Variants in LRIG3 observed in about 807,000 individuals in gnomAD.
The protein encoded by LRIG3 is leucine-rich repeats and immunoglobulin-like domains protein 3.
A neutral mutation model predicts 114.5 loss-of-function variants in LRIG3; 76 were observed. The observed-to-expected ratio is 0.66, with a 90% confidence interval of 0.55 to 0.80. LRIG3 has a LOEUF of 0.80. Among genes scored for constraint, LRIG3 ranks in the 30% least tolerant of loss-of-function variants. The pLI is 0.00. For missense variants in LRIG3, 1,239 were observed against 1,382.8 expected, an observed-to-expected ratio of 0.90 and a Z score of 1.65; for synonymous variants, 512 against 519.8, an observed-to-expected ratio of 0.98 and a Z score of 0.20.
chr12:58,904,042 G>A (rs992466871), intron 3 of LRIG3, among the ~76,000 whole-genome samples: 8 of 152,110 alleles, frequency 5.3e-5, no homozygotes, highest in South Asian at 2.1e-4. Flanking sequence ...TTGACTTGGC[G>A]ATGCGGGCTC....
intron 14 of LRIG3, 67 bp from the exon 15 acceptor site, chr12:58,877,919 A>G: frequency 7.0e-7 from 1 of 1,418,580 alleles, no homozygotes. Flanking sequence ...AAAATGTAGC[A>G]TTTAAACTTA....
At chr12:58,876,677 C>A in intron 15 of LRIG3, 74 bp from the exon 16 acceptor site, 1 of 1,521,436 alleles carries the variant, frequency 6.6e-7, no homozygotes, top group Admixed American at 1.7e-5. Flanking sequence ...GGGTGAATGG[C>A]ATAGACTATT....
intron 2 of LRIG3, 96 bp downstream of exon 2, chr12:58,914,169 A>C (rs544411109): frequency 6.6e-7 from 1 of 1,509,394 alleles, no homozygotes; most frequent in African/African-American, 1.4e-5. Context: ...AAAAGTTTTG[A>C]ATAACTCACT....
chr12:58,920,167 G>C lies in LRIG3; in HGVS notation c.69C>G (p.Arg23=). 1 of 1,539,394 alleles carries C rather than the reference G, an allele frequency of 6.5e-7. No homozygotes were observed. The highest frequency in any genetic ancestry group is 8.7e-7 in the Non-Finnish European group (1 of 1,145,716). Residue 23 remains arginine, a synonymous_variant, in exon 1 of 19, where the codon CGC becomes CGG. Coordinates refer to ENST00000320743, the MANE Select transcript of LRIG3 (RefSeq NM_153377.5). ...LGLLLCAVLG[R]AGRSDSGGRG... ...GACCGCCGCTGTCTGACCGGCCAGC[G>C]CGCCCCAGCACCGCGCACAGCAGCA... is the stretch of plus-strand genomic sequence containing the variant.
Position 58,877,786 on chromosome 12 carries a change from T to C in LRIG3, c.2150A>G (p.Gln717Arg). The stretch of plus-strand genomic sequence containing the variant: ...GGGAGGGCTTCCTCCAGCAATGCAC[T>C]GTAGGACGGCTGTTTCTCCCTTGGT... ...TVTKGETAVL[Q>R]CIAGGSPPPK... Residue 717 changes from glutamine (Q) to arginine (R), a missense_variant, in exon 15 of 19, where the codon CAG (glutamine) becomes CGG (arginine). Gln to Arg is a conservative substitution (Grantham distance 43, BLOSUM62 1). Coordinates refer to ENST00000320743, the MANE Select transcript of LRIG3 (RefSeq NM_153377.5). The C allele has an allele frequency of 5.0e-6, 8 of 1,614,220 alleles. No individual in the cohort carries two copies. The highest frequency in any genetic ancestry group is 1.1e-5 in the South Asian group (1 of 91,086).
chr12:58,887,054 C>T lies in LRIG3; in HGVS notation c.1092-164G>A, dbSNP rs773845487. On this transcript the variant is annotated intron_variant, in intron 8 of 18. Coordinates refer to ENST00000320743, the MANE Select transcript of LRIG3 (RefSeq NM_153377.5). ...CTTTTTCTCCAACTTACCTCTTACA[C>T]CCTGCCTGATTCCCTCAACAACATT... 6.9e-4 allele frequency: 387 copies of T among 561,324 alleles called. 1 individual carries two copies. The highest frequency in any genetic ancestry group is 1.1e-3 in the Non-Finnish European group (339 of 320,640). The allele number at this position is 561,324 out of a possible 1,614,324, so 34.8% of individuals were successfully genotyped here. A position where few individuals can be genotyped will look rare whatever the true frequency, so the allele number is the denominator to read the frequency against.
chr12:58,919,311 G>C (rs1444093594), intron 1 of LRIG3: 2 of 1,438,628 alleles, frequency 1.4e-6, no homozygotes, highest in East Asian at 5.0e-5. Context: ...CCCCTAAACC[G>C]TCTGGGCGTT....
intron 13 of LRIG3, 108 bp downstream of exon 13, chr12:58,880,473 G>T: frequency 9.3e-7 from 1 of 1,070,120 alleles, no homozygotes; most frequent in East Asian, 2.5e-5. Flanking sequence ...AGAGTCAGGT[G>T]GGGAACTGTG....
chr12:58,886,117 T>C (rs1871269654), intron 9 of LRIG3, among the ~76,000 whole-genome samples: 1 of 152,184 alleles, frequency 6.6e-6, no homozygotes, highest in Admixed American at 6.5e-5. Context: ...CAAAAATAGG[T>C]ATTCAGTAAG....
In LRIG3 at chr12:58,878,984, GCCC is replaced by G; in HGVS notation, c.1920_1922del (p.Gly641del). 6.2e-7 allele frequency: 1 copy of G among 1,614,178 alleles called. No homozygotes were observed. Among genetic ancestry groups the G allele is most frequent in the Admixed American group, 1.7e-5 (1 of 60,028 alleles). ...TCTCCCGTGCAGCTGGGAAGTCTGT[GCCC>G]CCATCCTTCTGCCAGGCTATCTGGG... On this transcript the variant is annotated inframe_deletion, in exon 14 of 19. Transcript: ENST00000320743.
chr12:58,890,343 A>C (rs948826477), intron 4 of LRIG3, among the ~76,000 whole-genome samples: 3 of 152,170 alleles, frequency 2.0e-5, no homozygotes, highest in Non-Finnish European at 4.4e-5. Flanking sequence ...ACGGATGCAA[A>C]ATTTTTTTAT....
At chr12:58,880,387 G>T in intron 13 of LRIG3, 194 bp downstream of exon 13, 1 of 705,080 alleles carries the variant, frequency 1.4e-6, no homozygotes, top group South Asian at 1.5e-5. Flanking sequence ...GTACGGTGTC[G>T]TCTTCAACAT....
Position 58,874,084 on chromosome 12 carries a change from G to A in LRIG3, c.3086C>T (p.Ala1029Val), listed in dbSNP as rs1316981112. 8.7e-6 allele frequency: 14 copies of A among 1,614,064 alleles called. No individual in the cohort carries two copies. Among genetic ancestry groups the A allele is most frequent in the Admixed American group, 1.7e-5 (1 of 60,010 alleles). ...SLDFSANPEP[A>V]SVASSNSFMG... is the part of the protein sequence containing the mutation. ...GAAAGAATTACTCGAGGCAACCGAC[G>A]CTGGCTCTGGATTTGCACTAAAATC... Residue 1029 changes from alanine (A) to valine (V), a missense_variant, in exon 18 of 19, where the codon GCG becomes GTG. Transcript: ENST00000320743.
chr12:58,891,595 G>A (rs966133165), intron 3 of LRIG3, among the ~76,000 whole-genome samples: 3 of 152,072 alleles, frequency 2.0e-5, no homozygotes, highest in African/African-American at 7.2e-5. Flanking sequence ...ATACTTGTCA[G>A]ATTGGGGATC....
At position 58,920,274 on chromosome 12, in the gene LRIG3, G is replaced by T; in HGVS notation, c.-39C>A. ...CCTAGGTCTCTACCCGAAGCTCCCA[G>T]CCGGCGCGCGCTCGGGGCCCGGCAC... is the stretch of plus-strand genomic sequence containing the variant. On this transcript the variant is annotated 5_prime_UTR_variant, in exon 1 of 19. The change creates a new upstream start codon in the 5' untranslated region. Transcript: ENST00000320743. The T allele has an allele frequency of 7.7e-7, 1 of 1,298,890 alleles. No homozygotes were observed. The highest frequency in any genetic ancestry group is 9.8e-7 in the Non-Finnish European group (1 of 1,024,234). The allele number at this position is 1,298,890 out of a possible 1,614,324, so 80.5% of individuals were successfully genotyped here.
chr12:58,899,398 C>T (rs557456467), intron 3 of LRIG3, among the ~76,000 whole-genome samples: 1 of 152,096 alleles, frequency 6.6e-6, no homozygotes, highest in African/African-American at 2.4e-5. Flanking sequence ...GTTCATCTTC[C>T]GATTTTCTTA....
chr12:58,880,546 T>C, intron 13 of LRIG3, 35 bp downstream of exon 13: 3 of 1,590,710 alleles, frequency 1.9e-6, no homozygotes, highest in Non-Finnish European at 2.6e-6. Context: ...CTAAAAGGTA[T>C]CTTTAAATGC....
intron 15 of LRIG3, 79 bp downstream of exon 15, chr12:58,877,321 G>T: frequency 7.1e-7 from 1 of 1,416,506 alleles, no homozygotes; most frequent in Non-Finnish European, 9.7e-7. Flanking sequence ...CAGACTGCAA[G>T]ACACACGTTC....
intron 1 of LRIG3, among the ~76,000 whole-genome samples, chr12:58,918,988 T>C (rs1031035043): frequency 6.6e-6 from 1 of 152,242 alleles, no homozygotes; most frequent in African/African-American, 2.4e-5. Context: ...AATAGTTCAC[T>C]AGAATTGTTT....
Sources: gnomAD v4.1 joint callset for allele counts (sites outside exome capture counted in the v4.1 genomes callset) on GRCh38, gnomAD v4.1.1 for gene constraint, MANE v1.5 for transcripts, NCBI Gene and HGNC (gene_info 2026-07-23, HGNC 2026-07-21) for gene names.